DCBLD1: variants seen among roughly 807,000 people sequenced by gnomAD.
DCBLD1 encodes the protein discoidin, CUB and LCCL domain containing 1.
A neutral mutation model predicts 71.5 loss-of-function variants in DCBLD1; 57 were observed. The ratio of observed to expected loss-of-function variants is 0.80; its 90% CI spans 0.64 to 0.99. DCBLD1 has a LOEUF of 0.99. Among genes scored for constraint, DCBLD1 ranks in the 50% least tolerant of loss-of-function variants. The probability of loss-of-function intolerance (pLI) is 0.00; values close to 1 mark genes in which losing one functional copy is unlikely to be tolerated. For missense variants in DCBLD1, 891 were observed against 923.5 expected (o/e 0.96, Z 0.46); for synonymous variants, 380 against 363.8 (o/e 1.04, Z -0.51).
intron 1 of DCBLD1, among the ~76,000 whole-genome samples, chr6:117,483,295 A>T (rs569472903): frequency 6.6e-6 from 1 of 152,254 alleles, no homozygotes; most frequent in East Asian, 1.9e-4. Context: ...AGTTCTTTCC[A>T]GCTGCCTTTT....
In DCBLD1 at chr6:117,512,036, G is replaced by A. The variant is rs184360981; in HGVS notation, c.326-7780G>A. Among the ~76,000 whole-genome samples the A allele has an allele frequency of 1.1e-4, 17 of 152,282 alleles. No individual in the cohort carries two copies. In the East Asian group the frequency reaches 2.9e-3, roughly 26 times the overall value. On this transcript the variant is annotated intron_variant, in intron 2 of 14. Coordinates refer to ENST00000338728, the MANE Select transcript of DCBLD1 (RefSeq NM_001366458.2). The stretch of plus-strand genomic sequence containing the variant: ...AAAACGTTATATCAGCCAGAATGCT[G>A]TACTCTAGGTATTTTTTTTAACACA...
At chr6:117,493,161 C>A (rs552553057) in intron 1 of DCBLD1, among the ~76,000 whole-genome samples, 1 of 152,092 alleles carries the variant, frequency 6.6e-6, no homozygotes, top group Admixed American at 6.6e-5. Flanking sequence ...TGGCAATATC[C>A]CTCTTAATAA....
chr6:117,501,052 A>T (rs1777640885), intron 1 of DCBLD1, among the ~76,000 whole-genome samples: 1 of 152,176 alleles, frequency 6.6e-6, no homozygotes, highest in South Asian at 2.1e-4. Flanking sequence ...CATAGTCCTA[A>T]GAAAAGTGAC....
At chr6:117,535,499 C>CT (rs1247558548) in intron 6 of DCBLD1, among the ~76,000 whole-genome samples, 1 of 152,112 alleles carries the variant, frequency 6.6e-6, no homozygotes, top group Non-Finnish European at 1.5e-5. Flanking sequence ...CTATAGAATT[C>CT]TTTAAGTGGT....
rs566963941 is a variant in DCBLD1 at position 117,482,690 on chromosome 6, C to A, written c.-92C>A. On this transcript the variant is annotated 5_prime_UTR_variant, in exon 1 of 15. Coordinates refer to ENST00000338728, the MANE Select transcript of DCBLD1 (RefSeq NM_001366458.2). ...CTGCGCCCCGTCCCGGCGCCGCGCT[C>A]GTCCGCAGAGGAGGCGGCCCGGCCC... 3.7e-6 allele frequency: 4 copies of A among 1,087,546 alleles called. No individual in the cohort carries two copies. The highest frequency in any genetic ancestry group is 4.5e-5 in the South Asian group (1 of 22,236). The allele number at this position is 1,087,546 out of a possible 1,614,324, so 67.4% of individuals were successfully genotyped here.
intron 3 of DCBLD1, among the ~76,000 whole-genome samples, chr6:117,521,065 G>A (rs530987132): frequency 6.6e-6 from 1 of 152,316 alleles, no homozygotes; most frequent in East Asian, 1.9e-4. Flanking sequence ...AAGCTTATAT[G>A]CTGTAGGTTT....
intron 2 of DCBLD1, among the ~76,000 whole-genome samples, chr6:117,519,119 G>C (rs762765713): frequency 9.2e-5 from 14 of 152,098 alleles, no homozygotes; most frequent in Non-Finnish European, 1.5e-4. Context: ...GTAGTCTTAG[G>C]AAGAGTTTTC....
chr6:117,569,371 A>G (rs1466633377), intron 14 of DCBLD1, among the ~76,000 whole-genome samples: 1 of 152,212 alleles, frequency 6.6e-6, no homozygotes, highest in African/African-American at 2.4e-5. Context: ...AACTTGCTCA[A>G]AGTTATGAAG....
intron 1 of DCBLD1, among the ~76,000 whole-genome samples, chr6:117,491,603 C>A (rs979209053): frequency 1.3e-5 from 2 of 152,138 alleles, no homozygotes; most frequent in African/African-American, 2.4e-5. Context: ...AATAGTTTTT[C>A]TTTAATATCA....
rs530730193 is a variant in DCBLD1 at position 117,498,759 on chromosome 6, G to A, written c.113-5008G>A. The stretch of plus-strand genomic sequence containing the variant: ...ACCTCTTTTTTGCCAGGTATTTTAA[G>A]GCAAATCCCAGACCTTATGTCATTT... On this transcript the variant is annotated intron_variant, in intron 1 of 14. Coordinates refer to ENST00000338728, the MANE Select transcript of DCBLD1 (RefSeq NM_001366458.2). Among the ~76,000 whole-genome samples, 3 of 151,910 alleles carry A rather than the reference G, an allele frequency of 2.0e-5. No homozygotes were observed. In the East Asian group the frequency reaches 5.8e-4, roughly 29 times the overall value.
intron 3 of DCBLD1, among the ~76,000 whole-genome samples, chr6:117,520,655 C>T (rs568378027): frequency 2.0e-5 from 3 of 152,304 alleles, no homozygotes; most frequent in East Asian, 3.9e-4. Flanking sequence ...AAGGGAAACA[C>T]GAACACTGAT....
Position 117,482,795 on chromosome 6 carries a change from C to A in DCBLD1, c.14C>A (p.Ala5Asp). ...CCCAGCGGGGTCATGGTGCCCGGCG[C>A]CCGCGGCGGCGGCGCACTGGCGCGG... MVPG[A>D]RGGGALARAA... The change falls in exon 1 of 15, where the codon GCC becomes GAC. Residue 5 changes from alanine to aspartate, a missense_variant. Coordinates refer to ENST00000338728, the MANE Select transcript of DCBLD1 (RefSeq NM_001366458.2). 2 of 1,146,362 alleles carry A rather than the reference C, an allele frequency of 1.7e-6. No individual in the cohort carries two copies. The highest frequency in any genetic ancestry group is 1.1e-6 in the Non-Finnish European group (1 of 933,806). The allele number at this position is 1,146,362 out of a possible 1,614,324, so 71.0% of individuals were successfully genotyped here. A position where few individuals can be genotyped will look rare whatever the true frequency, so the allele number is the denominator to read the frequency against.
At chr6:117,564,988 T>TA (rs1437649007) in intron 14 of DCBLD1, among the ~76,000 whole-genome samples, 1 of 152,196 alleles carries the variant, frequency 6.6e-6, no homozygotes, top group Non-Finnish European at 1.5e-5. Flanking sequence ...GCCTTTATAC[T>TA]AAGCATTGAG....
At chr6:117,505,248 A>C (rs1400361210) in intron 2 of DCBLD1, among the ~76,000 whole-genome samples, 7 of 152,198 alleles carry the variant, frequency 4.6e-5, no homozygotes, top group Non-Finnish European at 8.8e-5. Context: ...AGGGATGCTG[A>C]AGGCCCCTGG....
chr6:117,524,429 C>G (rs1384259920), intron 4 of DCBLD1, among the ~76,000 whole-genome samples: 1 of 152,164 alleles, frequency 6.6e-6, no homozygotes, highest in African/African-American at 2.4e-5. Context: ...ATCTCAAACT[C>G]CAGACCTCAG....
intron 1 of DCBLD1, chr6:117,484,964 G>A (rs1035447651): frequency 3.8e-4 from 58 of 152,284 alleles, no homozygotes; most frequent in African/African-American, 1.3e-3. Flanking sequence ...CCAGGTCCAG[G>A]CATTGGGGTT....
intron 5 of DCBLD1, among the ~76,000 whole-genome samples, chr6:117,531,130 CATT>C (rs1241674415): frequency 3.3e-5 from 5 of 152,160 alleles, no homozygotes; most frequent in African/African-American, 1.2e-4. Context: ...TGATTTGTCT[CATT>C]AGTCCTTATA....
chr6:117,537,662 C>CTTTTT (rs68032011), intron 7 of DCBLD1, among the ~76,000 whole-genome samples: 2 of 46,880 alleles, frequency 4.3e-5, no homozygotes, highest in Non-Finnish European at 7.4e-5. Flanking sequence ...TACATAGCAC[C>CTTTTT]TTTTTTTTTT....
At chr6:117,558,254 T>C (rs1454933102) in intron 14 of DCBLD1, among the ~76,000 whole-genome samples, 1 of 152,190 alleles carries the variant, frequency 6.6e-6, no homozygotes, top group Non-Finnish European at 1.5e-5. Flanking sequence ...AATCCCTCCA[T>C]TGTAGGAGGT....
Sources: gnomAD v4.1 joint callset for allele counts (sites outside exome capture counted in the v4.1 genomes callset) on GRCh38, gnomAD v4.1.1 for gene constraint, MANE v1.5 for transcripts, NCBI Gene and HGNC (gene_info 2026-07-23, HGNC 2026-07-21) for gene names.